UGGT2: variants seen among roughly 807,000 people sequenced by gnomAD.
UGGT2 encodes UDP-glucose glycoprotein glucosyltransferase 2, also known as UDP-glucose:glycoprotein glucosyltransferase 2.
UGGT2 carries 180 observed loss-of-function variants against 192.1 expected under a neutral mutation model. The ratio of observed to expected loss-of-function variants is 0.94; its 90% CI spans 0.83 to 1.06. The LOEUF (loss-of-function observed/expected upper bound fraction) is 1.06, where lower values mean the gene tolerates loss of function less well. UGGT2 is among the 50% of genes least tolerant of loss of function. The probability of loss-of-function intolerance (pLI) is 0.00; values close to 1 mark genes in which losing one functional copy is unlikely to be tolerated. For missense variants in UGGT2, 1,849 were observed against 1,795.7 expected (o/e 1.03, Z -0.54); for synonymous variants, 580 against 591.0 (o/e 0.98, Z 0.27).
intron 36 of UGGT2, among the ~76,000 whole-genome samples, chr13:95,850,747 T>C (rs568932041): frequency 2.0e-4 from 30 of 152,352 alleles, no homozygotes; most frequent in African/African-American, 6.5e-4. Context: ...TAGATGTCCT[T>C]TATATAGATT....
chr13:95,914,612 TAAAAAAAAAA>T (rs146990164), intron 20 of UGGT2, among the ~76,000 whole-genome samples: 3 of 80,994 alleles, frequency 3.7e-5, no homozygotes, highest in African/African-American at 1.5e-4. Context: ...CCATCTCTAC[TAAAAAAAAAA>T]AAAAAAAAAA....
At chr13:95,913,958 C>G (rs2048590913) in intron 20 of UGGT2, among the ~76,000 whole-genome samples, 1 of 152,048 alleles carries the variant, frequency 6.6e-6, no homozygotes, top group African/African-American at 2.4e-5. Context: ...AAGCTGGAAA[C>G]CATCATTTTC....
At chr13:95,932,307 TTATTTGTG>T (rs1294375746) in intron 17 of UGGT2, among the ~76,000 whole-genome samples, 7 of 107,346 alleles carry the variant, frequency 6.5e-5, no homozygotes, top group African/African-American at 1.8e-4. Context: ...CCTAGGTATT[TTATTTGTG>T]TGTGTGTGTG....
chr13:95,924,393 C>CTGTTTTTTTTTTTTTTTT (rs2048948194), intron 20 of UGGT2, among the ~76,000 whole-genome samples: 1 of 63,320 alleles, frequency 1.6e-5, no homozygotes, highest in Non-Finnish European at 3.2e-5. Context: ...TCCCAAACAG[C>CTGTTTTTTTTTTTTTTTT]TTTTTTTTTT....
intron 38 of UGGT2, among the ~76,000 whole-genome samples, chr13:95,821,972 G>C: frequency 6.6e-6 from 1 of 152,110 alleles, no homozygotes; most frequent in Non-Finnish European, 1.5e-5. Context: ...TAGCCTTGTA[G>C]TAGAATTTGA....
chr13:95,802,813 T>TTTTG (rs146912861), intron 38 of UGGT2, among the ~76,000 whole-genome samples: 19,085 of 151,002 alleles, frequency 0.13, 1,370 homozygotes, highest in East Asian at 0.33. Flanking sequence ...AGCTATCCTT[T>TTTTG]TTTGTTTGTT....
At chr13:96,034,953 G>T (rs2139173133) in intron 1 of UGGT2, among the ~76,000 whole-genome samples, 1 of 152,304 alleles carries the variant, frequency 6.6e-6, no homozygotes, top group South Asian at 2.1e-4. Flanking sequence ...AGCACAGCAG[G>T]CCCGAGCAAA....
chr13:95,879,211 C>T (rs920489945), intron 27 of UGGT2, among the ~76,000 whole-genome samples: 1 of 152,096 alleles, frequency 6.6e-6, no homozygotes, highest in Admixed American at 6.6e-5. Context: ...AATACACTTA[C>T]CCAGTTTGTG....
At chr13:95,831,242 A>C (rs1594096781) in intron 38 of UGGT2, among the ~76,000 whole-genome samples, 1 of 152,064 alleles carries the variant, frequency 6.6e-6, no homozygotes, top group African/African-American at 2.4e-5. Context: ...AAACCTGCAC[A>C]TTGTGCACAT....
intron 10 of UGGT2, among the ~76,000 whole-genome samples, chr13:95,977,180 C>T (rs2050964445): frequency 6.6e-6 from 1 of 152,164 alleles, no homozygotes; most frequent in African/African-American, 2.4e-5. Context: ...GCAATTCCAA[C>T]AAAAGCCAAA....
intron 1 of UGGT2, among the ~76,000 whole-genome samples, chr13:96,046,929 C>T (rs1021975753): frequency 6.6e-6 from 1 of 152,188 alleles, no homozygotes; most frequent in African/African-American, 2.4e-5. Context: ...GGAGGGGCAC[C>T]CGCCATTGCT....
chr13:96,047,939 T>TTGA (rs1343704668), intron 1 of UGGT2, among the ~76,000 whole-genome samples: 1 of 151,666 alleles, frequency 6.6e-6, no homozygotes, highest in Non-Finnish European at 1.5e-5. Context: ...AGACAGAAAG[T>TTGA]TAACAAGGAT....
chr13:95,875,077 G>A (rs1345958128), intron 29 of UGGT2, among the ~76,000 whole-genome samples: 1 of 152,046 alleles, frequency 6.6e-6, no homozygotes, highest in Non-Finnish European at 1.5e-5. Context: ...GTGAAAAACA[G>A]CTCCTGTTAC....
intron 2 of UGGT2, among the ~76,000 whole-genome samples, chr13:96,027,968 T>G (rs991867869): frequency 6.6e-6 from 1 of 152,222 alleles, no homozygotes; most frequent in Admixed American, 6.5e-5. Flanking sequence ...TTTACAGGAT[T>G]TCAGCTACCA....
At chr13:95,847,153 GAGC>G (rs1478482536) in intron 36 of UGGT2, among the ~76,000 whole-genome samples, 3 of 118,834 alleles carry the variant, frequency 2.5e-5, no homozygotes, top group African/African-American at 9.5e-5. Flanking sequence ...TTATTTTTTA[GAGC>G]AGTTTTTAGG....
chr13:95,983,862 G>T lies in UGGT2; in HGVS notation c.1034C>A (p.Ser345Tyr). 1 of 1,555,710 alleles carries T rather than the reference G, an allele frequency of 6.4e-7. No homozygotes were observed. The highest frequency in any genetic ancestry group is 8.7e-7 in the Non-Finnish European group (1 of 1,146,310). ...ISQNFPIKAR[S>Y]LTRIAVNQHM... ...TTGATTTACAGCAATTCTGGTTAGA[G>T]ATCTGGAAAAATGAATACTAATATA... is the stretch of plus-strand genomic sequence containing the variant. The change falls in exon 10 of 39, where the codon TCT becomes TAT. Residue 345 changes from serine to tyrosine, a missense_variant and splice_region_variant. By Grantham distance (144) the Ser-to-Tyr change is moderately radical. Transcript: ENST00000376747.
At chr13:96,018,737 T>G (rs1203769611) in intron 4 of UGGT2, among the ~76,000 whole-genome samples, 1 of 122,696 alleles carries the variant, frequency 8.2e-6, no homozygotes, top group South Asian at 2.6e-4. Context: ...TATGTTATAA[T>G]TGAAAAAAAA....
intron 6 of UGGT2, among the ~76,000 whole-genome samples, chr13:95,996,839 T>C (rs1009742349): frequency 6.6e-6 from 1 of 152,288 alleles, no homozygotes. Context: ...TCAAGGAACA[T>C]TTAGAAAGAC....
chr13:95,827,174 C>T (rs960749251), intron 38 of UGGT2, among the ~76,000 whole-genome samples: 1 of 152,108 alleles, frequency 6.6e-6, no homozygotes, highest in Non-Finnish European at 1.5e-5. Flanking sequence ...ATACTAATGG[C>T]CTTTAAATAT....
Sources: gnomAD v4.1 joint callset for allele counts (sites outside exome capture counted in the v4.1 genomes callset) on GRCh38, gnomAD v4.1.1 for gene constraint, MANE v1.5 for transcripts, NCBI Gene and HGNC (gene_info 2026-07-23, HGNC 2026-07-21) for gene names.